Variants in ICA1 observed in about 807,000 individuals in gnomAD.
The protein encoded by ICA1 is 69 kDa islet cell autoantigen.
ICA1 carries 40 observed loss-of-function variants against 71.0 expected under a neutral mutation model. That is an observed-to-expected ratio of 0.56 (90% CI 0.44 to 0.73). The LOEUF is 0.73. Among genes scored for constraint, ICA1 ranks in the 30% least tolerant of loss-of-function variants. The pLI is 0.00. For synonymous variants in ICA1, 207 were observed against 209.5 expected, an observed-to-expected ratio of 0.99 and a Z score of 0.10; for missense variants, 578 against 576.5, an observed-to-expected ratio of 1.00 and a Z score of -0.03.
At chr7:8,122,636 A>G (rs1233684750) in intron 13 of ICA1, among the ~76,000 whole-genome samples, 3 of 152,190 alleles carry the variant, frequency 2.0e-5, no homozygotes, top group Non-Finnish European at 4.4e-5. Flanking sequence ...AATGTCCATT[A>G]CCTGGAGCCA....
intron 6 of ICA1, among the ~76,000 whole-genome samples, chr7:8,160,544 C>G (rs1262440722): frequency 6.6e-6 from 1 of 152,150 alleles, no homozygotes; most frequent in Non-Finnish European, 1.5e-5. Flanking sequence ...TGATTCTACC[C>G]AGAAATACAA....
chr7:8,262,271 C>G (rs1446061161), upstream of ICA1: 7 of 151,914 alleles, frequency 4.6e-5, no homozygotes, highest in Non-Finnish European at 1.5e-5. Context: ...CCGTGCGCAC[C>G]GCAGCGCAGC....
At chr7:8,143,602 C>CT (rs1323238403) in intron 9 of ICA1, among the ~76,000 whole-genome samples, 1 of 152,168 alleles carries the variant, frequency 6.6e-6, no homozygotes, top group Non-Finnish European at 1.5e-5. Flanking sequence ...CCAGGGAATG[C>CT]TGGGGACATT....
rs1406494049 is a variant in ICA1 at position 8,262,150 on chromosome 7, C to G, written c.-136G>C. 6.6e-6 allele frequency: 1 copy of G among 152,196 alleles called. No individual in the cohort carries two copies. Among genetic ancestry groups the G allele is most frequent in the Non-Finnish European group, 1.5e-5 (1 of 68,050 alleles). The allele number at this position is 152,196 out of a possible 1,614,324, so 9.4% of individuals were successfully genotyped here. Reference sequence around the variant, plus strand: ...CCGCGGTCGGAGCGTCCCTCCGGATCACTCATCCGACGTCAGCGTCAGCCG... The same window carrying G: ...CCGCGGTCGGAGCGTCCCTCCGGATGACTCATCCGACGTCAGCGTCAGCCG... On this transcript the variant is annotated 5_prime_UTR_variant, in exon 1 of 14. Coordinates refer to ENST00000402384, the MANE Select transcript of ICA1 (RefSeq NM_001136020.3).
chr7:8,218,089 T>A (rs1391053503), intron 6 of ICA1, among the ~76,000 whole-genome samples: 2 of 152,250 alleles, frequency 1.3e-5, no homozygotes, highest in Non-Finnish European at 2.9e-5. Flanking sequence ...AAAGCAGTTA[T>A]GAAATCCCAG....
At chr7:8,243,431 C>T (rs944145109) in intron 1 of ICA1, among the ~76,000 whole-genome samples, 7 of 152,134 alleles carry the variant, frequency 4.6e-5, no homozygotes, top group Non-Finnish European at 1.0e-4. Context: ...ATAATAAGAG[C>T]TATTTATGAC....
intron 1 of ICA1, among the ~76,000 whole-genome samples, chr7:8,248,313 T>C (rs1057257900): frequency 1.3e-5 from 2 of 150,808 alleles, no homozygotes; most frequent in Non-Finnish European, 3.0e-5. Context: ...AATGCCAAAT[T>C]TGTCATTTTC....
Position 8,113,213 on chromosome 7 carries a change from T to TC in ICA1, c.*709_*710insG, listed in dbSNP as rs1783732140. 9.6e-6 allele frequency: 1 copy of TC among 104,694 alleles called. No individual in the cohort carries two copies. Among genetic ancestry groups the TC allele is most frequent in the South Asian group, 3.5e-4 (1 of 2,896 alleles). The allele number at this position is 104,694 out of a possible 1,614,324, so 6.5% of individuals were successfully genotyped here. ...CATGTCAAATATCTTTTCTGTTTAA[T>TC]TAAAAAAAAAAAAAAAACAATGTCA... On this transcript the variant is annotated 3_prime_UTR_variant, in exon 14 of 14. Transcript: ENST00000402384. The surrounding 1 kb of genome is among the most constrained non-coding windows in gnomAD (Gnocchi z 4.2).
chr7:8,185,361 C>T (rs1272984596), intron 6 of ICA1, among the ~76,000 whole-genome samples: 1 of 152,182 alleles, frequency 6.6e-6, no homozygotes, highest in East Asian at 1.9e-4. Flanking sequence ...CCCATCCATG[C>T]ATCTGGCCAT....
At chr7:8,196,980 CT>C (rs1787812395) in intron 6 of ICA1, among the ~76,000 whole-genome samples, 1 of 152,102 alleles carries the variant, frequency 6.6e-6, no homozygotes, top group South Asian at 2.1e-4. Context: ...ATTGTGAGGC[CT>C]CCCCAGCCAT....
chr7:8,175,206 G>C (rs185990089), intron 6 of ICA1, among the ~76,000 whole-genome samples: 150 of 152,274 alleles, frequency 9.9e-4, no homozygotes, highest in Non-Finnish European at 1.5e-3. Flanking sequence ...GCAGGGTAGA[G>C]AGATTTCAGG....
Position 8,158,464 on chromosome 7 carries a change from A to G in ICA1, c.705+63T>C, listed in dbSNP as rs536012620. 3 of 1,591,538 alleles carry G rather than the reference A, an allele frequency of 1.9e-6. No individual in the cohort carries two copies. The South Asian group carries it at 3.4e-5, about 18-fold the overall frequency. On this transcript the variant is annotated intron_variant, in intron 7 of 13. Coordinates refer to ENST00000402384, the MANE Select transcript of ICA1 (RefSeq NM_001136020.3). ...AAAGCTTACTTTTAGCTCAAACACC[A>G]TTTTGATGTTATTTAAACCTTGTGC... is the stretch of plus-strand genomic sequence containing the variant.
chr7:8,223,018 C>T lies in ICA1; in HGVS notation c.257-1620G>A, dbSNP rs533900522. Among the ~76,000 whole-genome samples, 2 of 152,332 alleles carry T rather than the reference C, an allele frequency of 1.3e-5. No homozygotes were observed. The highest frequency in any genetic ancestry group is 4.1e-4 in the South Asian group (2 of 4,830). On this transcript the variant is annotated intron_variant, in intron 4 of 13. Transcript: ENST00000402384. This position sits in a 1 kb window ranked among gnomAD's most constrained non-coding sequence, Gnocchi z 4.1. ...ACAATTTTGCCTTGTTATCCTCATA[C>T]ACTTTATTTCAGTTGAAATACTTAT...
intron 13 of ICA1, among the ~76,000 whole-genome samples, chr7:8,120,662 G>T (rs1786553442): frequency 6.6e-6 from 1 of 152,160 alleles, no homozygotes; most frequent in Admixed American, 6.5e-5. Flanking sequence ...AGAACAAAAT[G>T]ACTACCCTAG....
intron 6 of ICA1, among the ~76,000 whole-genome samples, chr7:8,183,042 A>G (rs778564432): frequency 6.6e-6 from 1 of 152,226 alleles, no homozygotes; most frequent in Non-Finnish European, 1.5e-5. Flanking sequence ...ATCTCTAACC[A>G]CAACTTTCCT....
intron 6 of ICA1, among the ~76,000 whole-genome samples, chr7:8,200,534 G>A (rs937591069): frequency 5.3e-5 from 8 of 152,020 alleles, no homozygotes; most frequent in East Asian, 1.9e-4. Context: ...TGAAGGGCAC[G>A]GACATAAGAG....
At chr7:8,177,813 G>A (rs1372049233) in intron 6 of ICA1, among the ~76,000 whole-genome samples, 1 of 152,200 alleles carries the variant, frequency 6.6e-6, no homozygotes, top group African/African-American at 2.4e-5. Context: ...TCACTCTATA[G>A]TGGGTCCTGA....
Position 8,157,619 on chromosome 7 carries a change from T to C in ICA1, c.706-405A>G, listed in dbSNP as rs367930740. The C allele has an allele frequency of 3.4e-4, 56 of 166,232 alleles. 1 individual carries two copies. The South Asian group carries it at 3.4e-3, about 10-fold the overall frequency. The allele number at this position is 166,232 out of a possible 1,614,324, so 10.3% of individuals were successfully genotyped here. A position where few individuals can be genotyped will look rare whatever the true frequency, so the allele number is the denominator to read the frequency against. On this transcript the variant is annotated intron_variant, in intron 7 of 13. Transcript: ENST00000402384. Reference sequence around the variant, plus strand: ...AGCACACTCTGCTCTGTCCTAGAGGTATAGAAAAATAGACTTCACTATCTC... The same window carrying C: ...AGCACACTCTGCTCTGTCCTAGAGGCATAGAAAAATAGACTTCACTATCTC...
chr7:8,235,715 G>A (rs1162782604), intron 2 of ICA1, among the ~76,000 whole-genome samples, 195 bp downstream of exon 2: 1 of 152,180 alleles, frequency 6.6e-6, no homozygotes, highest in East Asian at 1.9e-4. Flanking sequence ...CATTAGGTAA[G>A]AATTTACAAT....
Sources: allele counts gnomAD v4.1 joint callset (sites outside exome capture counted in the v4.1 genomes callset), GRCh38; gene constraint gnomAD v4.1.1; non-coding constraint Gnocchi (gnomAD v3.1); transcripts MANE v1.5; gene names NCBI Gene and HGNC (gene_info 2026-07-23, HGNC 2026-07-21).